RAB22A: variants seen among roughly 807,000 people sequenced by gnomAD.
The protein encoded by RAB22A is RAB22A, member RAS oncogene family, also known as ras-related protein Rab-22A.
RAB22A carries 13 observed loss-of-function variants against 30.2 expected under a neutral mutation model. The observed-to-expected ratio is 0.43, with a 90% CI of 0.28 to 0.68. The LOEUF (loss-of-function observed/expected upper bound fraction) is 0.68. Ranked by LOEUF, RAB22A falls within the 30% of genes least tolerant of loss-of-function variation. RAB22A has a pLI of 0.18. For synonymous variants in RAB22A, 89 were observed against 87.2 expected, an observed-to-expected ratio of 1.02 and a Z score of -0.11; for missense variants, 177 against 246.8, an observed-to-expected ratio of 0.72 and a Z score of 1.89.
chr20:58,331,157 A>AT (rs1986654560), intron 2 of RAB22A, among the ~76,000 whole-genome samples: 1 of 152,086 alleles, frequency 6.6e-6, no homozygotes, highest in Non-Finnish European at 1.5e-5. Flanking sequence ...AGGTCTCTGT[A>AT]TTTACTGTTT....
chr20:58,330,148 A>C (rs1277838661), intron 2 of RAB22A, among the ~76,000 whole-genome samples: 4 of 152,194 alleles, frequency 2.6e-5, no homozygotes, highest in Non-Finnish European at 5.9e-5. Flanking sequence ...CATTTTATAC[A>C]ACAGTTGTGA....
In RAB22A at chr20:58,338,473, G is replaced by T. The variant is rs577585170; in HGVS notation, c.117-5245G>T. 5.9e-5 allele frequency among the ~76,000 whole-genome samples: 9 copies of T among 152,236 alleles called. No individual in the cohort carries two copies. The South Asian group carries it at 1.7e-3, about 28-fold the overall frequency. ...GTTGTGCACCACTCTGCTTTAAGTG[G>T]GTATCGACTGCTTGGGAGAGATTAC... On this transcript the variant is annotated intron_variant, in intron 2 of 6. Coordinates refer to ENST00000244040, the MANE Select transcript of RAB22A (RefSeq NM_020673.3).
chr20:58,347,701 G>GT (rs1355617020), intron 3 of RAB22A, among the ~76,000 whole-genome samples: 1 of 152,154 alleles, frequency 6.6e-6, no homozygotes, highest in African/African-American at 2.4e-5. Flanking sequence ...ACAATTTTAA[G>GT]TTTATCTTCT....
At chr20:58,316,376 G>T (rs1164315998) in intron 2 of RAB22A, among the ~76,000 whole-genome samples, 1 of 152,090 alleles carries the variant, frequency 6.6e-6, no homozygotes, top group African/African-American at 2.4e-5. Flanking sequence ...GTAGACTCCT[G>T]CCCATTTGCA....
At chr20:58,340,534 C>A (rs1213111876) in intron 2 of RAB22A, among the ~76,000 whole-genome samples, 1 of 152,226 alleles carries the variant, frequency 6.6e-6, no homozygotes, top group African/African-American at 2.4e-5. Flanking sequence ...AACAGACAGC[C>A]ACTTAGCTTG....
intron 2 of RAB22A, among the ~76,000 whole-genome samples, chr20:58,336,412 C>A (rs1986755377): frequency 6.6e-6 from 1 of 152,020 alleles, no homozygotes; most frequent in Admixed American, 6.6e-5. Flanking sequence ...GCTTACTGTT[C>A]CCCAATTTTT....
At chr20:58,313,173 T>C (rs1986265598) in intron 2 of RAB22A, among the ~76,000 whole-genome samples, 1 of 152,178 alleles carries the variant, frequency 6.6e-6, no homozygotes, top group African/African-American at 2.4e-5. Flanking sequence ...ATCCTGAGTG[T>C]CCACTGTTCC....
intron 3 of RAB22A, among the ~76,000 whole-genome samples, chr20:58,346,743 G>T (rs1451410666): frequency 1.3e-5 from 2 of 152,344 alleles, no homozygotes; most frequent in Middle Eastern, 3.4e-3. Flanking sequence ...TGTACTCCCA[G>T]GGCCTAGCAT....
At chr20:58,359,534 A>G in intron 6 of RAB22A, 72 bp from the exon 7 acceptor site, 1 of 1,076,142 alleles carries the variant, frequency 9.3e-7, no homozygotes, top group Non-Finnish European at 1.3e-6. Context: ...AACCTGTCAA[A>G]TTGCATCTGC....
At chr20:58,314,053 C>CTTT (rs3069356) in intron 2 of RAB22A, among the ~76,000 whole-genome samples, 6 of 145,874 alleles carry the variant, frequency 4.1e-5, no homozygotes, top group African/African-American at 5.1e-5. Context: ...TATTCTTTTT[C>CTTT]TTTTTTTTTT....
intron 3 of RAB22A, 110 bp downstream of exon 3, chr20:58,343,909 G>C: frequency 1.1e-6 from 1 of 890,232 alleles, no homozygotes; most frequent in South Asian, 1.6e-5. Context: ...CTGTGCACCG[G>C]AGACACATTT....
At position 58,309,990 on chromosome 20, in the gene RAB22A, A is replaced by G; in HGVS notation, c.14A>G (p.Glu5Gly). 7.8e-7 allele frequency: 1 copy of G among 1,279,316 alleles called. No individual in the cohort carries two copies. The highest frequency in any genetic ancestry group is 9.9e-7 in the Non-Finnish European group (1 of 1,005,508). The allele number at this position is 1,279,316 out of a possible 1,614,324, so 79.2% of individuals were successfully genotyped here. The change falls in exon 1 of 7, where the codon GAG becomes GGG. Residue 5 changes from glutamate (E) to glycine (G), a missense_variant. Physicochemically the swap from Glu to Gly is moderately conservative, Grantham distance 98. Coordinates refer to ENST00000244040, the MANE Select transcript of RAB22A (RefSeq NM_020673.3). The part of the protein sequence containing the change: MALR[E>G]LKVCLLGDTG... ...GGCTCCCGGGCCATGGCGCTGAGGG[A>G]GCTCAAAGTGTGTCTGCTCGGGGTG...
chr20:58,335,342 A>G (rs1435436624), intron 2 of RAB22A, among the ~76,000 whole-genome samples: 1 of 152,200 alleles, frequency 6.6e-6, no homozygotes, highest in African/African-American at 2.4e-5. Flanking sequence ...TAAACCAATT[A>G]AAAATTCTCC....
intron 3 of RAB22A, among the ~76,000 whole-genome samples, chr20:58,347,192 C>G (rs1313714958): frequency 6.6e-6 from 1 of 152,190 alleles, no homozygotes; most frequent in Non-Finnish European, 1.5e-5. Context: ...GACATCCTCC[C>G]CAACCTCCCC....
chr20:58,314,603 G>A (rs541975234), intron 2 of RAB22A, among the ~76,000 whole-genome samples: 14 of 152,262 alleles, frequency 9.2e-5, no homozygotes, highest in African/African-American at 3.4e-4. Flanking sequence ...CACTTTCGGA[G>A]GCCAAGACGG....
In RAB22A at chr20:58,366,694, G is replaced by A. The variant is rs985976551; in HGVS notation, c.*6991G>A. 24 of 152,246 alleles carry A rather than the reference G, an allele frequency of 1.6e-4. No homozygotes were observed. The highest frequency in any genetic ancestry group is 5.1e-4 in the African/African-American group (21 of 41,466). 9.4% of individuals were successfully genotyped at this position (152,246 alleles called of 1,614,324 possible). A position where few individuals can be genotyped will look rare whatever the true frequency, so the allele number is the denominator to read the frequency against. ...CCAGTGTTAGGTGAAGAACTCCGCT[G>A]CTTCAGAAAGAGAATAGCAGCGCTC... is the stretch of plus-strand genomic sequence containing the variant. On this transcript the variant is annotated 3_prime_UTR_variant, in exon 7 of 7. Coordinates refer to ENST00000244040, the MANE Select transcript of RAB22A (RefSeq NM_020673.3).
In RAB22A at chr20:58,342,672, C is replaced by T. The variant is rs192747926; in HGVS notation, c.117-1046C>T. On this transcript the variant is annotated intron_variant, in intron 2 of 6. Coordinates refer to ENST00000244040, the MANE Select transcript of RAB22A (RefSeq NM_020673.3). Reference sequence around the variant, plus strand: ...GCAAAAAAAAAAAAAAAAAGTATAACTTCGTACTTGGTTCCAGAAGTCTTA... The same window carrying T: ...GCAAAAAAAAAAAAAAAAAGTATAATTTCGTACTTGGTTCCAGAAGTCTTA... 7.3e-3 allele frequency among the ~76,000 whole-genome samples: 1,078 copies of T among 148,486 alleles called. 13 individuals carry two copies. The highest frequency in any genetic ancestry group is 0.025 in the African/African-American group (1,021 of 40,168).
chr20:58,354,685 T>G (rs1731907880), intron 6 of RAB22A, among the ~76,000 whole-genome samples: 1 of 152,210 alleles, frequency 6.6e-6, no homozygotes, highest in Non-Finnish European at 1.5e-5. Flanking sequence ...CCCTTCTCTT[T>G]CCCTTCCCTT....
At chr20:58,310,114 A>G (rs1986191728) in intron 1 of RAB22A, 102 bp downstream of exon 1, 8 of 1,125,928 alleles carry the variant, frequency 7.1e-6, no homozygotes, top group Non-Finnish European at 7.8e-6. Context: ...CCCACGTCCA[A>G]GACGCTGTCT....
Sources: allele counts gnomAD v4.1 joint callset (sites outside exome capture counted in the v4.1 genomes callset), GRCh38; gene constraint gnomAD v4.1.1; transcripts MANE v1.5; gene names NCBI Gene and HGNC (gene_info 2026-07-23, HGNC 2026-07-21).